Variants in SYT16 observed in about 807,000 individuals in gnomAD.
SYT16 encodes the protein synaptotagmin 16.
A neutral mutation model predicts 61.4 loss-of-function variants in SYT16; 42 were observed. The observed-to-expected ratio is 0.68, with a 90% CI of 0.53 to 0.89. The LOEUF (loss-of-function observed/expected upper bound fraction) is 0.89. SYT16 is among the 40% of genes least tolerant of loss of function. The pLI is 0.00. For missense variants in SYT16, 804 were observed against 807.3 expected (o/e 1.00, Z 0.05); for synonymous variants, 314 against 302.3 (o/e 1.04, Z -0.40).
chr14:61,962,145 T>C (rs1953540), intron 1 of SYT16, among the ~76,000 whole-genome samples: 7,104 of 152,066 alleles, frequency 0.047, 566 homozygotes, highest in African/African-American at 0.16. Context: ...AGGGTAAGAT[T>C]TGAAAAACCA....
intron 1 of SYT16, among the ~76,000 whole-genome samples, chr14:61,943,407 A>T (rs2050287583): frequency 6.6e-6 from 1 of 152,186 alleles, no homozygotes; most frequent in African/African-American, 2.4e-5. Context: ...CCTGATATCA[A>T]AACCTGGCTG....
chr14:61,842,575 C>A (rs1459498747), intron 1 of SYT16, among the ~76,000 whole-genome samples: 3 of 151,958 alleles, frequency 2.0e-5, no homozygotes, highest in Non-Finnish European at 4.4e-5. Flanking sequence ...CACATATACA[C>A]CATGGAATAC....
intron 1 of SYT16, among the ~76,000 whole-genome samples, chr14:61,853,877 C>T (rs974300095): frequency 6.6e-6 from 1 of 152,126 alleles, no homozygotes; most frequent in African/African-American, 2.4e-5. Flanking sequence ...TAGGATTTCT[C>T]ATGGACATCT....
At chr14:61,916,334 T>C (rs1039072968) in intron 1 of SYT16, among the ~76,000 whole-genome samples, 1 of 152,162 alleles carries the variant, frequency 6.6e-6, no homozygotes, top group African/African-American at 2.4e-5. Flanking sequence ...GTGAAGAAAA[T>C]AAATTTCCAT....
At chr14:61,832,351 C>T in intron 1 of SYT16, 1 of 571,364 alleles carries the variant, frequency 1.8e-6, no homozygotes, top group South Asian at 1.4e-5. Context: ...ACTAGGCTAA[C>T]TACCCTGGTA....
At chr14:62,053,018 C>T (rs1372448839) in intron 3 of SYT16, among the ~76,000 whole-genome samples, 4 of 152,076 alleles carry the variant, frequency 2.6e-5, no homozygotes, top group African/African-American at 4.8e-5. Flanking sequence ...GCTTTGGAAC[C>T]GGGTAATGGG....
chr14:61,832,479 C>G (rs1305682304), intron 1 of SYT16: 1 of 375,132 alleles, frequency 2.7e-6, no homozygotes, highest in Non-Finnish European at 5.3e-6. Context: ...TCTTGTTGCC[C>G]AGGCTGTGGC....
intron 7 of SYT16, among the ~76,000 whole-genome samples, chr14:62,092,928 GGAGA>G (rs2057140248): frequency 6.6e-6 from 1 of 152,004 alleles, no homozygotes; most frequent in Non-Finnish European, 1.5e-5. Context: ...AAAATACACT[GGAGA>G]GAGATCAGAG....
chr14:61,879,004 T>A (rs1594812900), intron 1 of SYT16, among the ~76,000 whole-genome samples: 1 of 152,174 alleles, frequency 6.6e-6, no homozygotes, highest in Admixed American at 6.5e-5. Context: ...ACCCCCAGAC[T>A]TCCCTTCAGT....
At chr14:62,037,684 C>T (rs1184204453) in intron 3 of SYT16, among the ~76,000 whole-genome samples, 2 of 152,164 alleles carry the variant, frequency 1.3e-5, no homozygotes, top group African/African-American at 4.8e-5. Flanking sequence ...TTAAATAATA[C>T]ATGGTACATG....
intron 6 of SYT16, 126 bp downstream of exon 6, chr14:62,081,400 C>T (rs2056702890): frequency 1.9e-6 from 2 of 1,061,820 alleles, no homozygotes; most frequent in Admixed American, 2.6e-5. Flanking sequence ...TTTGGCTCTC[C>T]TCACCCTTGT....
chr14:62,066,586 T>C (rs75449545), intron 3 of SYT16, among the ~76,000 whole-genome samples: 20,475 of 152,176 alleles, frequency 0.13, 1,489 homozygotes, highest in South Asian at 0.2. Context: ...ACTTGAAATA[T>C]GGCTTTTTAT....
At chr14:61,820,816 G>GT (rs2045597437) in intron 1 of SYT16, among the ~76,000 whole-genome samples, 1 of 152,014 alleles carries the variant, frequency 6.6e-6, no homozygotes, top group African/African-American at 2.4e-5. Context: ...AAAAATTTCT[G>GT]GCTGTTCCAT....
At chr14:61,867,229 C>T (rs777585669) in intron 1 of SYT16, among the ~76,000 whole-genome samples, 48 of 151,808 alleles carry the variant, frequency 3.2e-4, no homozygotes, top group Non-Finnish European at 6.3e-4. Flanking sequence ...TTTGGGTAAT[C>T]TAGGTCATTT....
At chr14:61,817,960 G>T (rs2045494136) in intron 1 of SYT16, among the ~76,000 whole-genome samples, 3 of 152,192 alleles carry the variant, frequency 2.0e-5, no homozygotes, top group African/African-American at 7.2e-5. Context: ...TCCTTGTGCT[G>T]TTCTTGCAGC....
At chr14:61,857,187 C>T (rs952131678) in intron 1 of SYT16, among the ~76,000 whole-genome samples, 8 of 152,140 alleles carry the variant, frequency 5.3e-5, no homozygotes, top group African/African-American at 9.7e-5. Context: ...GGATGTAAAG[C>T]GCCAGCCACA....
rs1036420508 is a variant in SYT16, at chr14:62,110,151, G to A, written c.*9444G>A. 6.6e-6 allele frequency: 1 copy of A among 152,040 alleles called. No individual in the cohort carries two copies. The highest frequency in any genetic ancestry group is 2.1e-4 in the South Asian group (1 of 4,818). 9.4% of individuals were successfully genotyped at this position (152,040 alleles called of 1,614,324 possible). ...ACCTGGCATTATTGCAGAGATGAAG[G>A]TATAGTTGTATAAAGAATATTGGAT... On this transcript the variant is annotated 3_prime_UTR_variant, in exon 8 of 8. Transcript: ENST00000683842.
chr14:61,834,650 T>G (rs1430029034), intron 1 of SYT16, among the ~76,000 whole-genome samples: 1 of 152,046 alleles, frequency 6.6e-6, no homozygotes, highest in Non-Finnish European at 1.5e-5. Context: ...TTGGCCAGGT[T>G]GGTCTTGAAC....
At chr14:61,911,556 A>T (rs2048935291) in intron 1 of SYT16, among the ~76,000 whole-genome samples, 2 of 152,240 alleles carry the variant, frequency 1.3e-5, no homozygotes, top group Admixed American at 1.3e-4. Context: ...ACCAAGACAG[A>T]TGAAAAAGAG....
Sources: gnomAD v4.1 joint callset for allele counts (sites outside exome capture counted in the v4.1 genomes callset) on GRCh38, gnomAD v4.1.1 for gene constraint, MANE v1.5 for transcripts, NCBI Gene and HGNC (gene_info 2026-07-23, HGNC 2026-07-21) for gene names.